Variants in GNG12 observed in about 807,000 individuals in gnomAD.
GNG12 encodes the protein guanine nucleotide-binding protein G(I)/G(S)/G(O) subunit gamma-12.
For synonymous variants in GNG12, 28 were observed against 29.7 expected (o/e 0.94, Z 0.19); for missense variants, 69 against 83.8 (o/e 0.82, Z 0.69).
intron 2 of GNG12, among the ~76,000 whole-genome samples, chr1:67,739,180 T>C (rs1646469143): frequency 6.6e-6 from 1 of 152,020 alleles, no homozygotes. Context: ...ATCTGTCAAT[T>C]AAAACAAACA....
At chr1:67,792,339 G>T (rs192889155) in intron 1 of GNG12, among the ~76,000 whole-genome samples, 1 of 152,266 alleles carries the variant, frequency 6.6e-6, no homozygotes, top group Admixed American at 6.5e-5. Flanking sequence ...TTCTCAACTG[G>T]CCAGAAATAT....
At chr1:67,759,354 G>A (rs1202791970) in intron 2 of GNG12, among the ~76,000 whole-genome samples, 1 of 152,202 alleles carries the variant, frequency 6.6e-6, no homozygotes, top group Non-Finnish European at 1.5e-5. Context: ...ATTCACCTCA[G>A]TAAACACTGG....
intron 1 of GNG12, among the ~76,000 whole-genome samples, chr1:67,807,597 A>G (rs1384827232): frequency 6.6e-6 from 1 of 151,988 alleles, no homozygotes; most frequent in Non-Finnish European, 1.5e-5. Flanking sequence ...AAAAAGAAAG[A>G]AGACAAATTA....
chr1:67,779,955 A>G (rs1219003217), intron 1 of GNG12, among the ~76,000 whole-genome samples: 1 of 152,172 alleles, frequency 6.6e-6, no homozygotes, highest in Non-Finnish European at 1.5e-5. Context: ...GTATCTAAAC[A>G]TAGAAAAGGT....
intron 3 of GNG12, among the ~76,000 whole-genome samples, chr1:67,707,253 A>G (rs1646254828): frequency 6.6e-6 from 1 of 152,230 alleles, no homozygotes; most frequent in Admixed American, 6.5e-5. Flanking sequence ...CTTAAATTCC[A>G]AAGGAATGAC....
chr1:67,816,723 G>A (rs1646955457), intron 1 of GNG12, among the ~76,000 whole-genome samples: 1 of 152,148 alleles, frequency 6.6e-6, no homozygotes. Flanking sequence ...GTCCTCCCAG[G>A]ACAGGTAGGG....
At chr1:67,716,423 CTGAG>C (rs1333157006) in intron 2 of GNG12, among the ~76,000 whole-genome samples, 2 of 152,332 alleles carry the variant, frequency 1.3e-5, no homozygotes, top group Non-Finnish European at 2.9e-5. Context: ...CCACCATTTA[CTGAG>C]TGCTGAGTCT....
chr1:67,799,607 A>G (rs1367209868), intron 1 of GNG12, among the ~76,000 whole-genome samples: 1 of 152,218 alleles, frequency 6.6e-6, no homozygotes, highest in African/African-American at 2.4e-5. Context: ...GTACTTCTCA[A>G]ACTTTTTGGT....
At chr1:67,713,231 C>T (rs1387031730) in intron 2 of GNG12, among the ~76,000 whole-genome samples, 2 of 152,208 alleles carry the variant, frequency 1.3e-5, no homozygotes, top group Admixed American at 6.5e-5. Flanking sequence ...AGGGCCAAGG[C>T]CTGTGCATGC....
At chr1:67,757,968 G>T (rs1262787925) in intron 2 of GNG12, among the ~76,000 whole-genome samples, 2 of 151,954 alleles carry the variant, frequency 1.3e-5, no homozygotes, top group Non-Finnish European at 2.9e-5. Flanking sequence ...TTTGGCTTTG[G>T]GTTTCCTTTT....
At chr1:67,822,005 C>A (rs1646987598) in intron 1 of GNG12, among the ~76,000 whole-genome samples, 1 of 151,488 alleles carries the variant, frequency 6.6e-6, no homozygotes, top group Non-Finnish European at 1.5e-5. Flanking sequence ...CTGGGCCACA[C>A]TGGAAGGGGA....
chr1:67,832,412 G>A (rs1368689556), intron 1 of GNG12: 1 of 152,110 alleles, frequency 6.6e-6, no homozygotes, highest in Non-Finnish European at 1.5e-5. Flanking sequence ...GCGGCGACGT[G>A]AACAAGAATC....
At chr1:67,819,560 G>C (rs1280951208) in intron 1 of GNG12, among the ~76,000 whole-genome samples, 1 of 152,166 alleles carries the variant, frequency 6.6e-6, no homozygotes, top group African/African-American at 2.4e-5. Context: ...AACACAGTGT[G>C]TATGCAAAAT....
Position 67,783,833 on chromosome 1 carries a change from T to G in GNG12, c.-76-6326A>C, listed in dbSNP as rs559061186. 3.7e-3 allele frequency among the ~76,000 whole-genome samples: 558 copies of G among 151,588 alleles called. 3 individuals carry two copies. The highest frequency in any genetic ancestry group is 0.013 in the African/African-American group (530 of 41,412). On this transcript the variant is annotated intron_variant, in intron 1 of 3. Coordinates refer to ENST00000370982, the MANE Select transcript of GNG12 (RefSeq NM_018841.6). The stretch of plus-strand genomic sequence containing the variant: ...AGGAAACAACAGGTGCTGGAGAGGA[T>G]GTGGAGAAACAGGAACACTTTTACA...
intron 1 of GNG12, among the ~76,000 whole-genome samples, chr1:67,800,882 C>T (rs1215942786): frequency 6.6e-6 from 1 of 152,090 alleles, no homozygotes; most frequent in Non-Finnish European, 1.5e-5. Flanking sequence ...GGTCTATGTA[C>T]CACACACTGA....
chr1:67,777,421 T>A, intron 2 of GNG12, 37 bp downstream of exon 2: 3 of 624,176 alleles, frequency 4.8e-6, no homozygotes, highest in Non-Finnish European at 6.0e-6. Context: ...AAAAATAAAG[T>A]CAAACAGTCA....
chr1:67,753,046 G>A (rs1285639849), intron 2 of GNG12, among the ~76,000 whole-genome samples: 1 of 152,176 alleles, frequency 6.6e-6, no homozygotes. Flanking sequence ...ACAATGGTCT[G>A]TCCATGTGCC....
At chr1:67,799,315 C>T (rs1225954610) in intron 1 of GNG12, among the ~76,000 whole-genome samples, 1 of 152,170 alleles carries the variant, frequency 6.6e-6, no homozygotes, top group Non-Finnish European at 1.5e-5. Context: ...TAAGAAGGGG[C>T]TATAAGGCAT....
intron 2 of GNG12, among the ~76,000 whole-genome samples, chr1:67,747,738 C>T (rs899012418): frequency 6.6e-6 from 1 of 152,226 alleles, no homozygotes; most frequent in Non-Finnish European, 1.5e-5. Flanking sequence ...ATTTTCAGCT[C>T]ATCTCTAAAG....
Sources: allele counts gnomAD v4.1 joint callset (sites outside exome capture counted in the v4.1 genomes callset), GRCh38; gene constraint gnomAD v4.1.1; transcripts MANE v1.5; gene names NCBI Gene and HGNC (gene_info 2026-07-23, HGNC 2026-07-21).